The following CNTNAP5 variants were observed in gnomAD, a reference collection of about 807,000 sequenced individuals.
The protein encoded by CNTNAP5 is contactin-associated protein-like 5.
CNTNAP5 carries 72 observed loss-of-function variants against 150.2 expected under a neutral mutation model. The observed-to-expected ratio is 0.48, with a 90% CI of 0.40 to 0.58. The LOEUF (loss-of-function observed/expected upper bound fraction) is 0.58, where lower values mean the gene tolerates loss of function less well. Ranked by LOEUF, CNTNAP5 falls within the 20% of genes least tolerant of loss-of-function variation. The pLI, the probability that CNTNAP5 is intolerant of heterozygous loss-of-function variation, is 0.00. For missense variants in CNTNAP5, 1,636 were observed against 1,626.2 expected, an observed-to-expected ratio of 1.01 and a Z score of -0.10; for synonymous variants, 672 against 619.8, an observed-to-expected ratio of 1.08 and a Z score of -1.25.
intron 1 of CNTNAP5, among the ~76,000 whole-genome samples, chr2:124,212,639 A>G (rs1686042114): frequency 6.6e-6 from 1 of 152,014 alleles, no homozygotes; most frequent in South Asian, 2.1e-4. Flanking sequence ...GCTTTACCGT[A>G]TTTGATTTTA....
At chr2:124,284,387 G>A (rs1177206986) in intron 3 of CNTNAP5, among the ~76,000 whole-genome samples, 1 of 151,998 alleles carries the variant, frequency 6.6e-6, no homozygotes, top group Non-Finnish European at 1.5e-5. Context: ...CCTAGGGAGG[G>A]GCTAGGTTGG....
chr2:124,491,684 T>C (rs1015250001), intron 7 of CNTNAP5, among the ~76,000 whole-genome samples: 29 of 152,102 alleles, frequency 1.9e-4, no homozygotes, highest in Non-Finnish European at 3.4e-4. Context: ...GCATAATGCC[T>C]GTACCAATTT....
chr2:124,533,760 T>C (rs921933516), intron 10 of CNTNAP5, among the ~76,000 whole-genome samples: 2 of 152,170 alleles, frequency 1.3e-5, no homozygotes, highest in African/African-American at 4.8e-5. Flanking sequence ...AACAAAGCCT[T>C]CATGAATAAC....
At chr2:124,274,238 C>T (rs1327534275) in intron 3 of CNTNAP5, among the ~76,000 whole-genome samples, 1 of 152,132 alleles carries the variant, frequency 6.6e-6, no homozygotes, top group Admixed American at 6.6e-5. Flanking sequence ...TGCTGAATAG[C>T]CACATACTGG....
intron 1 of CNTNAP5, among the ~76,000 whole-genome samples, chr2:124,055,192 TA>T (rs1163484936): frequency 6.6e-5 from 10 of 152,228 alleles, no homozygotes; most frequent in African/African-American, 2.4e-4. Flanking sequence ...TCTGTAAGCC[TA>T]AGAAAGGATG....
intron 12 of CNTNAP5, 93 bp from the exon 13 acceptor site, chr2:124,647,665 G>A: frequency 1.7e-6 from 2 of 1,164,070 alleles, no homozygotes; most frequent in South Asian, 3.2e-5. Flanking sequence ...GTTGATTAAT[G>A]TTGCACGCTG....
At chr2:124,630,601 A>T (rs1211993476) in intron 12 of CNTNAP5, among the ~76,000 whole-genome samples, 1 of 152,152 alleles carries the variant, frequency 6.6e-6, no homozygotes, top group Non-Finnish European at 1.5e-5. Flanking sequence ...TTTATGAAAA[A>T]CCCACAGCCA....
At chr2:124,765,158 G>C (rs748000751) in intron 16 of CNTNAP5, among the ~76,000 whole-genome samples, 40 of 152,132 alleles carry the variant, frequency 2.6e-4, no homozygotes, top group Non-Finnish European at 4.3e-4. Flanking sequence ...ACTAAATTAT[G>C]TAAATTCTGG....
At chr2:124,632,294 G>C (rs1470139021) in intron 12 of CNTNAP5, among the ~76,000 whole-genome samples, 1 of 152,026 alleles carries the variant, frequency 6.6e-6, no homozygotes, top group East Asian at 1.9e-4. Flanking sequence ...AAAGACATTG[G>C]AATCAACCCA....
intron 3 of CNTNAP5, among the ~76,000 whole-genome samples, chr2:124,284,430 G>A (rs1688094047): frequency 6.6e-6 from 1 of 152,022 alleles, no homozygotes; most frequent in Non-Finnish European, 1.5e-5. Context: ...TTGTTCCCAG[G>A]AAGGGAACAA....
intron 8 of CNTNAP5, among the ~76,000 whole-genome samples, chr2:124,513,416 C>A (rs114463797): frequency 6.6e-6 from 1 of 152,174 alleles, no homozygotes; most frequent in African/African-American, 2.4e-5. Flanking sequence ...TGCAGGGACA[C>A]GATTCAGCTC....
At chr2:124,421,472 A>G (rs2104781807) in intron 4 of CNTNAP5, among the ~76,000 whole-genome samples, 1 of 152,258 alleles carries the variant, frequency 6.6e-6, no homozygotes, top group East Asian at 1.9e-4. Context: ...AGCTCACAGT[A>G]ACTCTATCAG....
chr2:124,764,586 T>C (rs1298545666), intron 16 of CNTNAP5, among the ~76,000 whole-genome samples: 2 of 152,174 alleles, frequency 1.3e-5, no homozygotes, highest in Non-Finnish European at 2.9e-5. Flanking sequence ...CGTGTGACTA[T>C]CCAATCAGAA....
intron 3 of CNTNAP5, among the ~76,000 whole-genome samples, chr2:124,311,659 A>T (rs1688835230): frequency 6.6e-6 from 1 of 152,174 alleles, no homozygotes; most frequent in Non-Finnish European, 1.5e-5. Context: ...AGCACTGCCT[A>T]ACTGCAGTCC....
chr2:124,843,021 G>T (rs1339544636), intron 19 of CNTNAP5, among the ~76,000 whole-genome samples: 1 of 151,828 alleles, frequency 6.6e-6, no homozygotes, highest in Non-Finnish European at 1.5e-5. Context: ...CATTGTACAT[G>T]GTACCCAATA....
chr2:124,771,969 GACC>G (rs1226010434), intron 16 of CNTNAP5, among the ~76,000 whole-genome samples: 1 of 138,518 alleles, frequency 7.2e-6, no homozygotes, highest in Non-Finnish European at 1.6e-5. Flanking sequence ...CCATTGCCAC[GACC>G]ACCACCATCA....
chr2:124,257,133 T>C (rs1687333802), intron 3 of CNTNAP5, among the ~76,000 whole-genome samples: 2 of 152,206 alleles, frequency 1.3e-5, no homozygotes, highest in Non-Finnish European at 2.9e-5. Context: ...TCAGAGATCA[T>C]GTGTCCCTGT....
chr2:124,513,526 C>A (rs888711253), intron 8 of CNTNAP5, among the ~76,000 whole-genome samples: 1 of 152,172 alleles, frequency 6.6e-6, no homozygotes. Context: ...TTTGCCCAAG[C>A]CTTGGTCCAA....
rs111500632 is a variant in CNTNAP5, at chr2:124,180,993, T to C, written c.83-40712T>C. On this transcript the variant is annotated intron_variant, in intron 1 of 23. Coordinates refer to ENST00000682447, the MANE Select transcript of CNTNAP5 (RefSeq NM_001367498.1). The stretch of plus-strand genomic sequence containing the variant: ...TACCCAAGGCCACCATGAAGTCCCC[T>C]TCTGTAAGAGAATGTGAAGGGGAGT... Among the ~76,000 whole-genome samples, 1,499 of 151,966 alleles carry C rather than the reference T, an allele frequency of 9.9e-3. 22 individuals carry two copies. The highest frequency in any genetic ancestry group is 0.034 in the African/African-American group (1,423 of 41,416).
Sources: allele counts gnomAD v4.1 joint callset (sites outside exome capture counted in the v4.1 genomes callset), GRCh38; gene constraint gnomAD v4.1.1; transcripts MANE v1.5; gene names NCBI Gene and HGNC (gene_info 2026-07-23, HGNC 2026-07-21).